Variants in HPS5 observed in about 807,000 individuals in gnomAD.
HPS5 encodes HPS5 biogenesis of lysosomal organelles complex 2 subunit 2.
A neutral mutation model predicts 128.0 loss-of-function variants in HPS5; 83 were observed. That is an observed-to-expected ratio of 0.65 (90% CI 0.54 to 0.78). HPS5 has a LOEUF of 0.78. Ranked by LOEUF, HPS5 falls within the 30% of genes least tolerant of loss-of-function variation. HPS5 has a pLI of 0.00. For missense variants in HPS5, 1,281 were observed against 1,326.2 expected (o/e 0.97, Z 0.53); for synonymous variants, 475 against 470.2 (o/e 1.01, Z -0.13).
chr11:18,300,786 C>A, intron 9 of HPS5, 42 bp downstream of exon 9: 2 of 943,204 alleles, frequency 2.1e-6, no homozygotes, highest in Non-Finnish European at 1.7e-6. Flanking sequence ...ATCAAATTTT[C>A]ATAAGCATGA....
In HPS5 at chr11:18,291,701, G is replaced by A. The variant is rs764925441; in HGVS notation, c.2181C>T (p.Cys727=). 13 of 1,614,036 alleles carry A rather than the reference G, an allele frequency of 8.1e-6. No homozygotes were observed. The highest frequency in any genetic ancestry group is 4.5e-5 in the East Asian group (2 of 44,892). ...LDDLFQICSP[C]AIASGLRNDL... is the part of the protein sequence containing the mutation. ...CGTTCCGAAGACCACTTGCAATGGC[G>A]CATGGAGAACATATTTGAAACAGGT... Residue 727 remains cysteine, a synonymous_variant, in exon 16 of 23, where the codon TGC becomes TGT. Transcript: ENST00000349215.
At chr11:18,312,641 C>A (rs989042106) in intron 2 of HPS5, among the ~76,000 whole-genome samples, 3 of 152,200 alleles carry the variant, frequency 2.0e-5, no homozygotes, top group African/African-American at 7.2e-5. Context: ...CAAGGGTTGT[C>A]ATGTAACTCA....
intron 8 of HPS5, among the ~76,000 whole-genome samples, 162 bp downstream of exon 8, chr11:18,305,260 C>G (rs1862213918): frequency 6.6e-6 from 1 of 152,158 alleles, no homozygotes; most frequent in Admixed American, 6.5e-5. Flanking sequence ...TCTTTCCATT[C>G]CTTTTAGATA....
chr11:18,296,262 T>G (rs1861055808), intron 12 of HPS5, 140 bp from the exon 13 acceptor site: 1 of 820,018 alleles, frequency 1.2e-6, no homozygotes, highest in African/African-American at 1.7e-5. Context: ...CAGAAACAAA[T>G]GAGTGGAACA....
intron 3 of HPS5, chr11:18,311,711 A>G (rs1407042377): frequency 3.3e-6 from 2 of 605,124 alleles, no homozygotes; most frequent in Non-Finnish European, 3.0e-6. Flanking sequence ...GGGTTTCACC[A>G]TGTTGGCCAG....
chr11:18,295,287 A>G, intron 13 of HPS5, 118 bp from the exon 14 acceptor site: 1 of 849,814 alleles, frequency 1.2e-6, no homozygotes. Context: ...GGACTTAGTA[A>G]AGACTGTTTA....
intron 5 of HPS5, 29 bp from the exon 6 acceptor site, chr11:18,309,108 T>C (rs1862683523): frequency 6.2e-7 from 1 of 1,606,540 alleles, no homozygotes. Flanking sequence ...AGAAATAAAG[T>C]TTATTTAATC....
chr11:18,281,235 T>C (rs889986546), intron 22 of HPS5, among the ~76,000 whole-genome samples: 22 of 148,832 alleles, frequency 1.5e-4, no homozygotes, highest in African/African-American at 4.0e-4. Context: ...TCTGCCACCA[T>C]GTCCAGTTAA....
Position 18,286,597 on chromosome 11 carries a change from T to A in HPS5, c.2831A>T (p.Tyr944Phe). 1 of 1,613,696 alleles carries A rather than the reference T, an allele frequency of 6.2e-7. No individual in the cohort carries two copies. The highest frequency in any genetic ancestry group is 8.5e-7 in the Non-Finnish European group (1 of 1,179,922). The stretch of plus-strand genomic sequence containing the variant: ...AAGAGGACTTCTTCTGTACCTGGGA[T>A]AACCTTCATCATCCATTGTGCTGGT... The part of the protein sequence containing the change: ...PSTSTMDDEG[Y>F]PRPHSHLLSW... Residue 944 changes from tyrosine (Y) to phenylalanine (F), a missense_variant, in exon 19 of 23, where the codon TAT becomes TTT. Coordinates refer to ENST00000349215, the MANE Select transcript of HPS5 (RefSeq NM_181507.2).
chr11:18,283,079 G>A (rs1859227189), intron 21 of HPS5, among the ~76,000 whole-genome samples: 1 of 152,090 alleles, frequency 6.6e-6, no homozygotes, highest in Non-Finnish European at 1.5e-5. Context: ...TCAGCTCACT[G>A]CAACCTCCAC....
chr11:18,285,887 T>C (rs1859648787), intron 19 of HPS5, among the ~76,000 whole-genome samples: 1 of 152,224 alleles, frequency 6.6e-6, no homozygotes, highest in South Asian at 2.1e-4. Flanking sequence ...GATCAGGTTA[T>C]GTCTAAAAAT....
At chr11:18,287,804 A>G in intron 17 of HPS5, 89 bp downstream of exon 17, 1 of 1,589,116 alleles carries the variant, frequency 6.3e-7, no homozygotes, top group Non-Finnish European at 8.6e-7. Flanking sequence ...AAGCTGCCTC[A>G]TATGCAAATG....
At chr11:18,321,688 T>C (rs952234214) in intron 1 of HPS5, among the ~76,000 whole-genome samples, 9 of 152,166 alleles carry the variant, frequency 5.9e-5, no homozygotes, top group Admixed American at 3.9e-4. Flanking sequence ...GTAAGAAAGA[T>C]AGCAAAAATT....
At chr11:18,312,701 G>A (rs1863152549) in intron 2 of HPS5, among the ~76,000 whole-genome samples, 1 of 152,182 alleles carries the variant, frequency 6.6e-6, no homozygotes, top group African/African-American at 2.4e-5. Flanking sequence ...AAAGATGAAA[G>A]GCAGAGCCTG....
At chr11:18,315,416 G>A (rs1045975655) in intron 2 of HPS5, among the ~76,000 whole-genome samples, 23 of 151,958 alleles carry the variant, frequency 1.5e-4, no homozygotes, top group Non-Finnish European at 2.9e-4. Flanking sequence ...AGTTTGGGAC[G>A]AGCCTGGCCA....
At chr11:18,280,732 T>C (rs1311593265) in intron 22 of HPS5, 4 of 542,118 alleles carry the variant, frequency 7.4e-6, no homozygotes, top group Non-Finnish European at 1.3e-5. Context: ...TCCTGACACA[T>C]GCTACAACAT....
intron 15 of HPS5, 91 bp downstream of exon 15, chr11:18,292,808 C>A (rs1012156482): frequency 2.2e-6 from 2 of 928,768 alleles, no homozygotes; most frequent in Admixed American, 3.4e-5. Context: ...ATATTTCATA[C>A]AAGGCCCATA....
Position 18,300,812 on chromosome 11 carries a change from AG to A in HPS5, c.985+15del. On this transcript the variant is annotated intron_variant, in intron 9 of 22. Transcript: ENST00000349215. Reference sequence around the variant, plus strand: ...ATAAGCATGAGATTAAAAATTACAAAGAAAAATATAATTACCTTTGACTTCA... The same window carrying A: ...ATAAGCATGAGATTAAAAATTACAAAAAAAATATAATTACCTTTGACTTCA... 7.5e-7 allele frequency: 1 copy of A among 1,324,684 alleles called. No individual in the cohort carries two copies. Among genetic ancestry groups the A allele is most frequent in the South Asian group, 1.2e-5 (1 of 83,360 alleles). The allele number at this position is 1,324,684 out of a possible 1,614,324, so 82.1% of individuals were successfully genotyped here. A position where few individuals can be genotyped will look rare whatever the true frequency, so the allele number is the denominator to read the frequency against.
intron 1 of HPS5, among the ~76,000 whole-genome samples, chr11:18,319,699 C>A (rs1864080988): frequency 6.6e-6 from 1 of 152,044 alleles, no homozygotes; most frequent in Non-Finnish European, 1.5e-5. Context: ...CTGTAAAGTG[C>A]TGTGGGTGGT....
Sources: allele counts gnomAD v4.1 joint callset (sites outside exome capture counted in the v4.1 genomes callset), GRCh38; gene constraint gnomAD v4.1.1; transcripts MANE v1.5; gene names NCBI Gene and HGNC (gene_info 2026-07-23, HGNC 2026-07-21).